SLC38A6: variants seen among roughly 807,000 people sequenced by gnomAD.
SLC38A6 encodes the protein N system amino acid transporter NAT-1.
Under a neutral mutation model 65.0 loss-of-function variants are expected in SLC38A6, and 73 were observed. That is an observed-to-expected ratio of 1.12 (90% CI 0.93 to 1.37). The LOEUF is 1.37. SLC38A6 is among the 40% of genes most tolerant of loss of function. The pLI is 0.00. For synonymous variants in SLC38A6, 183 were observed against 178.8 expected (o/e 1.02, Z -0.19); for missense variants, 561 against 531.1 (o/e 1.06, Z -0.55).
intron 2 of SLC38A6, among the ~76,000 whole-genome samples, chr14:60,984,423 A>G (rs543227942): frequency 2.2e-4 from 34 of 152,140 alleles, no homozygotes; most frequent in African/African-American, 8.2e-4. Flanking sequence ...ATATTACAAG[A>G]TTATTTAATG....
intron 3 of SLC38A6, among the ~76,000 whole-genome samples, chr14:61,010,976 T>C (rs1038777304): frequency 1.4e-4 from 21 of 152,198 alleles, no homozygotes; most frequent in African/African-American, 4.3e-4. Context: ...CCTTGGGCAG[T>C]ATGGCCATTT....
chr14:61,050,331 G>C (rs1027942188), intron 12 of SLC38A6, among the ~76,000 whole-genome samples, 181 bp from the exon 13 acceptor site: 5 of 152,052 alleles, frequency 3.3e-5, no homozygotes, highest in Non-Finnish European at 7.4e-5. Flanking sequence ...AAGGAAAAAG[G>C]GTGTTAGGTT....
At chr14:61,012,675 G>A (rs377179091) in intron 3 of SLC38A6, among the ~76,000 whole-genome samples, 1 of 151,892 alleles carries the variant, frequency 6.6e-6, no homozygotes, top group African/African-American at 2.4e-5. Flanking sequence ...TTGTTCAGTT[G>A]CCATGTAGTT....
chr14:61,005,610 G>T (rs1407416063), intron 3 of SLC38A6, among the ~76,000 whole-genome samples: 1 of 152,028 alleles, frequency 6.6e-6, no homozygotes, highest in Non-Finnish European at 1.5e-5. Flanking sequence ...AAGTACCTAG[G>T]AATCCAACTT....
intron 3 of SLC38A6, among the ~76,000 whole-genome samples, chr14:61,011,444 T>C (rs1181569326): frequency 6.6e-6 from 1 of 152,078 alleles, no homozygotes; most frequent in Admixed American, 6.5e-5. Flanking sequence ...AGAGAGGGCA[T>C]CCCTGTCTTG....
intron 1 of SLC38A6, 72 bp downstream of exon 1, chr14:60,981,454 C>G: frequency 1.3e-6 from 2 of 1,545,662 alleles, no homozygotes; most frequent in South Asian, 1.2e-5. Context: ...AAATAAGACC[C>G]AGAAAAGGAG....
At chr14:61,022,326 A>G (rs1274267130) in intron 5 of SLC38A6, among the ~76,000 whole-genome samples, 1 of 152,042 alleles carries the variant, frequency 6.6e-6, no homozygotes, top group Non-Finnish European at 1.5e-5. Context: ...CTCTTAGGTT[A>G]AAGTCTAGGA....
chr14:61,014,059 A>T (rs1485624443), intron 3 of SLC38A6, among the ~76,000 whole-genome samples: 1 of 152,044 alleles, frequency 6.6e-6, no homozygotes, highest in Non-Finnish European at 1.5e-5. Context: ...ATAGTCCCAT[A>T]TTTCTTGGAG....
chr14:60,982,883 T>A (rs889462550), intron 2 of SLC38A6, among the ~76,000 whole-genome samples: 4 of 152,202 alleles, frequency 2.6e-5, no homozygotes, highest in Admixed American at 1.3e-4. Context: ...TCATTTATAA[T>A]GAAATATGAC....
chr14:61,073,949 T>G (rs976043677), intron 15 of SLC38A6: 31 of 152,262 alleles, frequency 2.0e-4, no homozygotes, highest in Admixed American at 5.2e-4. Flanking sequence ...ATAGTAAATA[T>G]GTTTTCTCTT....
chr14:61,008,903 A>G (rs990062712), intron 3 of SLC38A6, among the ~76,000 whole-genome samples: 9 of 152,176 alleles, frequency 5.9e-5, no homozygotes, highest in African/African-American at 1.9e-4. Context: ...CCAATGAAAC[A>G]TTTGGACAAT....
rs755592200 is a variant in SLC38A6, at chr14:61,043,264, A to C, written c.690+52A>C. 6 of 1,243,348 alleles carry C rather than the reference A, an allele frequency of 4.8e-6. No homozygotes were observed. The African/African-American group carries it at 9.2e-5, about 19-fold the overall frequency. The allele number at this position is 1,243,348 out of a possible 1,614,324, so 77.0% of individuals were successfully genotyped here. ...TTCTTCCTTTTTATTTTAACTAAAAAGAAAAGAAAGACTAATGATTCTTTT... is the reference window on the plus strand; with the variant it reads ...TTCTTCCTTTTTATTTTAACTAAAACGAAAAGAAAGACTAATGATTCTTTT... On this transcript the variant is annotated intron_variant, in intron 9 of 15. Transcript: ENST00000267488.
intron 3 of SLC38A6, among the ~76,000 whole-genome samples, chr14:61,000,804 T>G (rs909070250): frequency 6.6e-6 from 1 of 152,184 alleles, no homozygotes; most frequent in African/African-American, 2.4e-5. Flanking sequence ...GTTTTAGGGA[T>G]GTAATGAATT....
chr14:60,998,210 C>T (rs2038429373), intron 3 of SLC38A6, among the ~76,000 whole-genome samples: 1 of 151,844 alleles, frequency 6.6e-6, no homozygotes, highest in African/African-American at 2.4e-5. Flanking sequence ...CCCCCCAAGC[C>T]TGGAAACCCA....
At chr14:61,051,042 C>G (rs1248226164) in intron 13 of SLC38A6, among the ~76,000 whole-genome samples, 2 of 152,078 alleles carry the variant, frequency 1.3e-5, no homozygotes, top group African/African-American at 4.8e-5. Context: ...CATAAGCATT[C>G]TAGTTCAATC....
At chr14:61,015,459 A>T (rs897507733) in intron 3 of SLC38A6, among the ~76,000 whole-genome samples, 2 of 152,128 alleles carry the variant, frequency 1.3e-5, no homozygotes, top group South Asian at 4.1e-4. Context: ...GAAATCACCC[A>T]TCTTCTGTGT....
chr14:61,007,454 A>G lies in SLC38A6; in HGVS notation c.311-8450A>G, dbSNP rs189492936. On this transcript the variant is annotated intron_variant, in intron 3 of 15. Transcript: ENST00000267488. The stretch of plus-strand genomic sequence containing the variant: ...AGATTAACCTGGGCAACATAGTGAA[A>G]CCCTGCCTATACAAAAAGTAAAAAA... Among the ~76,000 whole-genome samples, 41 of 152,244 alleles carry G rather than the reference A, an allele frequency of 2.7e-4. 2 individuals are homozygous for G. The East Asian group carries it at 2.7e-3, about 10-fold the overall frequency.
At chr14:61,040,646 T>C (rs1159983688) in intron 8 of SLC38A6, among the ~76,000 whole-genome samples, 2 of 151,412 alleles carry the variant, frequency 1.3e-5, no homozygotes, top group African/African-American at 2.4e-5. Context: ...GCCAGATAAA[T>C]TTTTTTTTAA....
In SLC38A6 at chr14:61,017,319, G is replaced by T. The variant is rs145291180; in HGVS notation, c.363+1363G>T. The stretch of plus-strand genomic sequence containing the variant: ...CCTCCCAACGTGCTGGGATTACAGC[G>T]TTAGCCACCGCGCCCGGCCCTAACT... On this transcript the variant is annotated intron_variant, in intron 4 of 15. Coordinates refer to ENST00000267488, the MANE Select transcript of SLC38A6 (RefSeq NM_153811.3). Among the ~76,000 whole-genome samples the T allele has an allele frequency of 2.0e-5, 3 of 152,240 alleles. No individual in the cohort carries two copies. The South Asian group carries it at 6.2e-4, about 32-fold the overall frequency.
Sources: gnomAD v4.1 joint callset for allele counts (sites outside exome capture counted in the v4.1 genomes callset) on GRCh38, gnomAD v4.1.1 for gene constraint, MANE v1.5 for transcripts, NCBI Gene and HGNC (gene_info 2026-07-23, HGNC 2026-07-21) for gene names.